FGGY: variants seen among roughly 807,000 people sequenced by gnomAD.
FGGY encodes the protein FGGY carbohydrate kinase domain containing.
A neutral mutation model predicts 71.3 loss-of-function variants in FGGY; 72 were observed. The observed-to-expected ratio is 1.01, with a 90% CI of 0.84 to 1.23. The LOEUF (loss-of-function observed/expected upper bound fraction) is 1.23. Among genes scored for constraint, FGGY ranks in the 50% most tolerant of loss-of-function variants. The pLI, the probability that FGGY is intolerant of heterozygous loss-of-function variation, is 0.00. For synonymous variants in FGGY, 251 were observed against 250.3 expected (o/e 1.00, Z -0.02); for missense variants, 668 against 682.3 (o/e 0.98, Z 0.23).
At chr1:59,739,992 T>A (rs1431246495) in intron 14 of FGGY, among the ~76,000 whole-genome samples, 3 of 152,190 alleles carry the variant, frequency 2.0e-5, no homozygotes, top group Non-Finnish European at 4.4e-5. Context: ...GTTAGCTACA[T>A]CCATCTACCA....
At chr1:59,683,517 T>C (rs1336530449) in intron 14 of FGGY, among the ~76,000 whole-genome samples, 4 of 152,216 alleles carry the variant, frequency 2.6e-5, no homozygotes, top group Non-Finnish European at 5.9e-5. Flanking sequence ...GTGAATACGA[T>C]GTTACTCCAC....
At chr1:59,636,417 T>G (rs1343504475) in intron 10 of FGGY, among the ~76,000 whole-genome samples, 1 of 151,976 alleles carries the variant, frequency 6.6e-6, no homozygotes, top group Non-Finnish European at 1.5e-5. Context: ...GTCAGGAGAT[T>G]GAGACCATCC....
chr1:59,360,737 G>A (rs1179404830), intron 4 of FGGY, among the ~76,000 whole-genome samples: 1 of 152,180 alleles, frequency 6.6e-6, no homozygotes, highest in Non-Finnish European at 1.5e-5. Flanking sequence ...ACCTTTAGAG[G>A]CAGGTAAGAA....
chr1:59,512,837 T>G (rs745882101), intron 7 of FGGY, among the ~76,000 whole-genome samples: 1 of 152,246 alleles, frequency 6.6e-6, no homozygotes, highest in Non-Finnish European at 1.5e-5. Flanking sequence ...GCTTATGTCC[T>G]GTATCCAGTT....
Position 59,339,953 on chromosome 1 carries a change from A to C in FGGY, c.202-5A>C. 1 of 1,587,358 alleles carries C rather than the reference A, an allele frequency of 6.3e-7. No individual in the cohort carries two copies. Among genetic ancestry groups the C allele is most frequent in the East Asian group, 2.2e-5 (1 of 44,722 alleles). On this transcript the variant is annotated splice_polypyrimidine_tract_variant and splice_region_variant and intron_variant, in intron 2 of 15. Coordinates refer to ENST00000303721, the MANE Select transcript of FGGY (RefSeq NM_018291.5). The stretch of plus-strand genomic sequence containing the variant: ...AATTTATGTTTTTATTTGTTTTTAA[A>C]ACAGAAAGTTGTACAAGGGATTGAT...
intron 6 of FGGY, among the ~76,000 whole-genome samples, chr1:59,491,049 T>TC (rs1464229399): frequency 0.027 from 44 of 1,610 alleles, 5 homozygotes; most frequent in South Asian, 0.16. Flanking sequence ...CTTCCTTCCT[T>TC]CCTTCCTTCC....
rs114919718 is a variant in FGGY at position 59,354,398 on chromosome 1, A to T, written c.465+8000A>T. Among the ~76,000 whole-genome samples the T allele has an allele frequency of 8.4e-3, 1,275 of 152,296 alleles. 15 individuals are homozygous for T. Among genetic ancestry groups the T allele is most frequent in the African/African-American group, 0.029 (1,198 of 41,546 alleles). On this transcript the variant is annotated intron_variant, in intron 4 of 15. Transcript: ENST00000303721. The stretch of plus-strand genomic sequence containing the variant: ...CCAGCCTAATTATTGTCTTTTACAG[A>T]TGAGGAAACAGGCACAGAGACTTTA...
intron 7 of FGGY, among the ~76,000 whole-genome samples, chr1:59,526,811 C>G (rs533942742): frequency 2.2e-4 from 34 of 152,220 alleles, no homozygotes; most frequent in Non-Finnish European, 4.6e-4. Flanking sequence ...TGGAATCAGA[C>G]TGCCTGGGTT....
intron 14 of FGGY, among the ~76,000 whole-genome samples, chr1:59,737,785 C>T (rs933695324): frequency 6.6e-6 from 1 of 152,106 alleles, no homozygotes; most frequent in African/African-American, 2.4e-5. Context: ...CGAGTTAAGA[C>T]TTTGAGGGAC....
intron 13 of FGGY, 128 bp downstream of exon 13, chr1:59,667,531 T>C: frequency 1.7e-6 from 2 of 1,174,100 alleles, no homozygotes; most frequent in Non-Finnish European, 2.4e-6. Context: ...AATCCTGAAG[T>C]CTTTATATTC....
intron 14 of FGGY, among the ~76,000 whole-genome samples, chr1:59,732,205 C>T (rs753291195): frequency 9.2e-5 from 14 of 152,112 alleles, no homozygotes; most frequent in Non-Finnish European, 1.8e-4. Context: ...TCCCATTTGA[C>T]CAGAGAATTT....
chr1:59,666,766 G>A (rs997847855), intron 12 of FGGY, among the ~76,000 whole-genome samples: 5 of 151,452 alleles, frequency 3.3e-5, no homozygotes, highest in South Asian at 2.1e-4. Flanking sequence ...TGAAGCCTTG[G>A]ATCTCACCTT....
At chr1:59,524,393 G>A (rs1456521355) in intron 7 of FGGY, among the ~76,000 whole-genome samples, 7 of 152,192 alleles carry the variant, frequency 4.6e-5, no homozygotes, top group East Asian at 1.9e-4. Flanking sequence ...GGTCCCTGGC[G>A]AAACCCCACC....
At chr1:59,507,718 T>C (rs2094427749) in intron 6 of FGGY, among the ~76,000 whole-genome samples, 1 of 142,670 alleles carries the variant, frequency 7.0e-6, no homozygotes. Context: ...GTATTTTTAG[T>C]AGAGACGGGG....
intron 5 of FGGY, among the ~76,000 whole-genome samples, chr1:59,416,981 C>T (rs2064554740): frequency 6.6e-6 from 1 of 152,024 alleles, no homozygotes; most frequent in African/African-American, 2.4e-5. Flanking sequence ...ATTCATATAC[C>T]CTAAAATTCA....
intron 6 of FGGY, among the ~76,000 whole-genome samples, chr1:59,481,373 C>T (rs1193274002): frequency 1.3e-5 from 2 of 152,112 alleles, no homozygotes; most frequent in South Asian, 2.1e-4. Flanking sequence ...TAATTTGTGG[C>T]TGAGCTGGAG....
intron 15 of FGGY, among the ~76,000 whole-genome samples, chr1:59,758,510 C>A (rs990657898): frequency 6.6e-6 from 1 of 152,158 alleles, no homozygotes; most frequent in Admixed American, 6.5e-5. Context: ...TATTTTAGAA[C>A]AACGGGATAA....
intron 7 of FGGY, among the ~76,000 whole-genome samples, chr1:59,529,094 A>G (rs2095069682): frequency 6.6e-6 from 1 of 152,222 alleles, no homozygotes; most frequent in African/African-American, 2.4e-5. Flanking sequence ...ATGAATGAAT[A>G]TATGCATGAA....
chr1:59,531,812 CA>C (rs1433598757), intron 7 of FGGY, among the ~76,000 whole-genome samples: 1 of 152,146 alleles, frequency 6.6e-6, no homozygotes, highest in Non-Finnish European at 1.5e-5. Context: ...TAAAAATAGA[CA>C]AACTTTACAA....
Sources: allele counts gnomAD v4.1 joint callset (sites outside exome capture counted in the v4.1 genomes callset), GRCh38; gene constraint gnomAD v4.1.1; transcripts MANE v1.5; gene names NCBI Gene and HGNC (gene_info 2026-07-23, HGNC 2026-07-21).